The following PHACTR1 variants were observed in gnomAD, a reference collection of about 807,000 sequenced individuals.
PHACTR1 encodes RPEL repeat containing 1.
In PHACTR1, 16 loss-of-function variants were observed where a neutral mutation model predicts 69.2. The ratio of observed to expected loss-of-function variants is 0.23; its 90% CI spans 0.16 to 0.35. The LOEUF (loss-of-function observed/expected upper bound fraction) is 0.35, where lower values mean the gene tolerates loss of function less well. PHACTR1 is among the 10% of genes least tolerant of loss of function. PHACTR1 has a pLI of 1.00. For synonymous variants in PHACTR1, 312 were observed against 284.5 expected, an observed-to-expected ratio of 1.10 and a Z score of -0.97; for missense variants, 510 against 734.7, an observed-to-expected ratio of 0.69 and a Z score of 3.54.
intron 10 of PHACTR1, chr6:13,267,449 T>C (rs366904): frequency 0.8 from 120,996 of 152,154 alleles, 49,618 homozygotes; most frequent in Non-Finnish European, 0.9. Context: ...TTGTGCCCAG[T>C]GAGCCCCACT....
chr6:13,086,083 T>TAAAAAAAAAAAAA (rs776154642), intron 5 of PHACTR1, among the ~76,000 whole-genome samples: 25 of 60,262 alleles, frequency 4.1e-4, no homozygotes, highest in East Asian at 1.6e-3. Context: ...TACACATTTC[T>TAAAAAAAAAAAAA]AAAAAAAAAA....
chr6:13,121,266 G>A (rs992315558), intron 5 of PHACTR1, among the ~76,000 whole-genome samples: 14 of 152,100 alleles, frequency 9.2e-5, no homozygotes, highest in African/African-American at 2.4e-4. Flanking sequence ...GGCAGGGGAC[G>A]GAATGGTGAG....
intron 4 of PHACTR1, among the ~76,000 whole-genome samples, chr6:13,050,113 A>G (rs987517907): frequency 2.0e-5 from 3 of 152,202 alleles, no homozygotes; most frequent in African/African-American, 7.2e-5. Context: ...CACAATTATT[A>G]CTACTTGTGT....
chr6:13,129,753 A>G (rs555893162), intron 5 of PHACTR1, among the ~76,000 whole-genome samples: 17 of 152,188 alleles, frequency 1.1e-4, no homozygotes, highest in Admixed American at 4.6e-4. Flanking sequence ...GGTCATCACA[A>G]CAGAAAGTCA....
chr6:12,847,072 C>A (rs1039133798), intron 4 of PHACTR1, among the ~76,000 whole-genome samples: 1 of 152,170 alleles, frequency 6.6e-6, no homozygotes. Context: ...CCGCGTTGGC[C>A]TCCCAAAGGG....
intron 12 of PHACTR1, chr6:13,279,674 G>T (rs441213): frequency 0.77 from 117,516 of 152,204 alleles, 46,075 homozygotes; most frequent in Admixed American, 0.85. Flanking sequence ...GACTGGCTGG[G>T]GTCACCCTGG....
At chr6:13,084,861 A>G (rs944404639) in intron 5 of PHACTR1, among the ~76,000 whole-genome samples, 3 of 152,160 alleles carry the variant, frequency 2.0e-5, no homozygotes, top group African/African-American at 7.2e-5. Context: ...TACTAAAAGA[A>G]TAGAAGTAGA....
At chr6:12,827,773 A>G (rs1776963928) in intron 4 of PHACTR1, among the ~76,000 whole-genome samples, 1 of 152,216 alleles carries the variant, frequency 6.6e-6, no homozygotes, top group African/African-American at 2.4e-5. Context: ...AAGCATACTA[A>G]TGATATAAAG....
At chr6:12,743,603 G>C (rs764240695) in intron 3 of PHACTR1, among the ~76,000 whole-genome samples, 2 of 152,168 alleles carry the variant, frequency 1.3e-5, no homozygotes, top group Non-Finnish European at 2.9e-5. Context: ...AACAAGAAGA[G>C]CTAACTATCT....
In PHACTR1 at chr6:13,051,268, C is replaced by G. The variant is rs1266084929; in HGVS notation, c.251-2097C>G. On this transcript the variant is annotated intron_variant, in intron 4 of 14. Coordinates refer to ENST00000332995, the MANE Select transcript of PHACTR1 (RefSeq NM_030948.6). ...TTCACCCTACCTCTGCATGTGAGCT[C>G]TATGAGTTGGTATTTTTATTTGTTT... Among the ~76,000 whole-genome samples the G allele has an allele frequency of 4.6e-5, 7 of 152,284 alleles. No individual in the cohort carries two copies. The East Asian group carries it at 1.3e-3, about 29-fold the overall frequency.
intron 10 of PHACTR1, among the ~76,000 whole-genome samples, chr6:13,235,033 T>A (rs1255914814): frequency 6.6e-6 from 1 of 152,236 alleles, no homozygotes; most frequent in Non-Finnish European, 1.5e-5. Context: ...ACTGCAGTAG[T>A]ACCTGTGTCT....
chr6:12,747,401 T>C (rs528189165), intron 3 of PHACTR1, among the ~76,000 whole-genome samples: 4 of 152,136 alleles, frequency 2.6e-5, no homozygotes, highest in Non-Finnish European at 5.9e-5. Flanking sequence ...TGGTGGCTCA[T>C]GCTTGTATTC....
chr6:12,744,736 T>G lies in PHACTR1; in HGVS notation c.104-4908T>G, dbSNP rs184894748. On this transcript the variant is annotated intron_variant, in intron 3 of 14. Transcript: ENST00000332995. ...TAGGCAGAGCAGCAAAAAAATGATG[T>G]TTTATGCTGATATTGTATCCAGTGA... Among the ~76,000 whole-genome samples the G allele has an allele frequency of 2.6e-4, 40 of 152,310 alleles. 1 individual carries two copies. Among genetic ancestry groups the G allele is most frequent in the African/African-American group, 9.6e-4 (40 of 41,568 alleles).
At chr6:13,017,759 T>C (rs1269761744) in intron 4 of PHACTR1, among the ~76,000 whole-genome samples, 2 of 152,050 alleles carry the variant, frequency 1.3e-5, no homozygotes, top group Admixed American at 1.3e-4. Context: ...TTAATAATTA[T>C]GTATTAAGAT....
intron 4 of PHACTR1, among the ~76,000 whole-genome samples, chr6:12,925,648 G>T (rs1352573382): frequency 1.3e-5 from 2 of 152,134 alleles, no homozygotes; most frequent in Non-Finnish European, 2.9e-5. Context: ...TCCTGGATTT[G>T]GCTGGTGACT....
chr6:12,838,372 C>T (rs1368611157), intron 4 of PHACTR1, among the ~76,000 whole-genome samples: 1 of 152,166 alleles, frequency 6.6e-6, no homozygotes, highest in African/African-American at 2.4e-5. Context: ...CTGTCTCCTC[C>T]TTTCCTATCT....
chr6:12,884,320 C>A (rs1431205786), intron 4 of PHACTR1, among the ~76,000 whole-genome samples: 1 of 151,990 alleles, frequency 6.6e-6, no homozygotes, highest in Non-Finnish European at 1.5e-5. Flanking sequence ...TAACTTAGCA[C>A]AAACTTTGGT....
chr6:12,970,507 C>T (rs1401056308), intron 4 of PHACTR1, among the ~76,000 whole-genome samples: 6 of 152,184 alleles, frequency 3.9e-5, no homozygotes, highest in African/African-American at 1.4e-4. Flanking sequence ...TAGTGGCTCA[C>T]GCCTGTAATC....
At chr6:13,009,544 T>C (rs1799207515) in intron 4 of PHACTR1, among the ~76,000 whole-genome samples, 1 of 152,168 alleles carries the variant, frequency 6.6e-6, no homozygotes, top group African/African-American at 2.4e-5. Flanking sequence ...TGTGAGCATT[T>C]TTAAATTTCT....
Sources: gnomAD v4.1 joint callset for allele counts (sites outside exome capture counted in the v4.1 genomes callset) on GRCh38, gnomAD v4.1.1 for gene constraint, MANE v1.5 for transcripts, NCBI Gene and HGNC (gene_info 2026-07-23, HGNC 2026-07-21) for gene names.